The following KIF13A variants were observed in gnomAD, a reference collection of about 807,000 sequenced individuals.
KIF13A encodes the protein kinesin-like protein KIF13A.
In KIF13A, 79 loss-of-function variants were observed where a neutral mutation model predicts 212.2. The ratio of observed to expected loss-of-function variants is 0.37; its 90% confidence interval spans 0.31 to 0.45. The LOEUF is 0.45. KIF13A is among the 20% of genes least tolerant of loss of function. KIF13A has a pLI of 1.00. For synonymous variants in KIF13A, 789 were observed against 808.6 expected, an observed-to-expected ratio of 0.98 and a Z score of 0.41; for missense variants, 1,901 against 2,209.0, an observed-to-expected ratio of 0.86 and a Z score of 2.79.
At chr6:17,765,260 A>T (rs1012216294) in intron 38 of KIF13A, among the ~76,000 whole-genome samples, 10 of 152,128 alleles carry the variant, frequency 6.6e-5, no homozygotes, top group Non-Finnish European at 1.5e-4. Flanking sequence ...AGTGCAGTGG[A>T]CATTTTGTTA....
chr6:17,774,631 G>A (rs1759778014), intron 35 of KIF13A, among the ~76,000 whole-genome samples: 1 of 152,132 alleles, frequency 6.6e-6, no homozygotes, highest in African/African-American at 2.4e-5. Flanking sequence ...AAATTAGCCA[G>A]GTGTGGTGGC....
chr6:17,978,539 C>T (rs866232899), intron 2 of KIF13A, among the ~76,000 whole-genome samples: 1 of 152,296 alleles, frequency 6.6e-6, no homozygotes, highest in South Asian at 2.1e-4. Flanking sequence ...AGTAATCTCA[C>T]CAAGTGTTTC....
intron 2 of KIF13A, among the ~76,000 whole-genome samples, chr6:17,977,352 T>A (rs532497533): frequency 6.6e-6 from 1 of 152,332 alleles, no homozygotes; most frequent in African/African-American, 2.4e-5. Flanking sequence ...TAGTTCACGT[T>A]GTCATACAAT....
Position 17,898,052 on chromosome 6 carries a change from T to G in KIF13A, c.159+116A>C. ...ATTGTTCATGATGTGAGTTTTAAAT[T>G]AGGATGCTGTTTTCAGTTCTCAATG... is the stretch of plus-strand genomic sequence containing the variant. On this transcript the variant is annotated intron_variant, in intron 3 of 38. Coordinates refer to ENST00000259711, the MANE Select transcript of KIF13A (RefSeq NM_022113.6). This position sits in a 1 kb window ranked among gnomAD's most constrained non-coding sequence, Gnocchi z 5.2. 1 of 893,144 alleles carries G rather than the reference T, an allele frequency of 1.1e-6. No individual in the cohort carries two copies. Among genetic ancestry groups the G allele is most frequent in the South Asian group, 1.7e-5 (1 of 57,720 alleles). The allele number at this position is 893,144 out of a possible 1,614,324, so 55.3% of individuals were successfully genotyped here. A position where few individuals can be genotyped will look rare whatever the true frequency, so the allele number is the denominator to read the frequency against.
At chr6:17,869,395 C>T (rs1023184578) in intron 4 of KIF13A, among the ~76,000 whole-genome samples, 3 of 152,152 alleles carry the variant, frequency 2.0e-5, no homozygotes, top group Non-Finnish European at 4.4e-5. Context: ...CTCCCTAAGT[C>T]GCCAGGTACT....
At position 17,951,932 on chromosome 6, in the gene KIF13A, T is replaced by C. The variant is rs1355318981; in HGVS notation, c.146+35122A>G. 6.6e-6 allele frequency among the ~76,000 whole-genome samples: 1 copy of C among 152,226 alleles called. No individual in the cohort carries two copies. The highest frequency in any genetic ancestry group is 1.5e-5 in the Non-Finnish European group (1 of 68,046). ...GTAGCCTTCCAAAAAATACCTTTAT[T>C]TACAATTTTTGTAGAAGCAATTTGG... On this transcript the variant is annotated intron_variant, in intron 2 of 38. Coordinates refer to ENST00000259711, the MANE Select transcript of KIF13A (RefSeq NM_022113.6). This position sits in a 1 kb window ranked among gnomAD's most constrained non-coding sequence, Gnocchi z 4.9.
chr6:17,969,048 G>A (rs1322293232), intron 2 of KIF13A, among the ~76,000 whole-genome samples: 3 of 152,220 alleles, frequency 2.0e-5, no homozygotes, highest in Non-Finnish European at 2.9e-5. Flanking sequence ...CACCACCTCT[G>A]GGTGTATAGC....
rs568254835 is a variant in KIF13A at position 17,803,843 on chromosome 6, T to C, written c.2454+518A>G. ...CTTGTGACCTCCAAATATTAAATGTTATAATAATCTTTTAAGACCATGACT... is the reference window on the plus strand; with the variant it reads ...CTTGTGACCTCCAAATATTAAATGTCATAATAATCTTTTAAGACCATGACT... On this transcript the variant is annotated intron_variant, in intron 20 of 38. Coordinates refer to ENST00000259711, the MANE Select transcript of KIF13A (RefSeq NM_022113.6). Among the ~76,000 whole-genome samples the C allele has an allele frequency of 2.0e-5, 3 of 152,174 alleles. No individual in the cohort carries two copies. The East Asian group carries it at 5.8e-4, about 29-fold the overall frequency.
intron 4 of KIF13A, among the ~76,000 whole-genome samples, chr6:17,862,239 T>C (rs1268918508): frequency 1.3e-5 from 2 of 152,284 alleles, no homozygotes; most frequent in African/African-American, 4.8e-5. Flanking sequence ...CTGGGAAGGT[T>C]CCCAGTTTAT....
At chr6:17,774,614 AAAT>A (rs1266963076) in intron 35 of KIF13A, among the ~76,000 whole-genome samples, 1 of 152,130 alleles carries the variant, frequency 6.6e-6, no homozygotes, top group Non-Finnish European at 1.5e-5. Flanking sequence ...TCTCTACTAA[AAAT>A]ACAAAATTAG....
chr6:17,904,729 A>G (rs1773348427), intron 2 of KIF13A, among the ~76,000 whole-genome samples: 1 of 152,206 alleles, frequency 6.6e-6, no homozygotes, highest in African/African-American at 2.4e-5. Context: ...TTTACAGCAT[A>G]TTGACTATAA....
At chr6:17,986,690 G>A (rs904482833) in intron 2 of KIF13A, among the ~76,000 whole-genome samples, 1 of 152,232 alleles carries the variant, frequency 6.6e-6, no homozygotes, top group African/African-American at 2.4e-5. Context: ...CGAACAATAA[G>A]GTCGTGGGCT....
chr6:17,907,317 C>T (rs1773598648), intron 2 of KIF13A, among the ~76,000 whole-genome samples: 1 of 152,190 alleles, frequency 6.6e-6, no homozygotes, highest in Non-Finnish European at 1.5e-5. Context: ...ACACTGTACA[C>T]TTAACTGCTA....
chr6:17,767,288 C>T (rs1158467571), intron 38 of KIF13A, among the ~76,000 whole-genome samples: 1 of 149,114 alleles, frequency 6.7e-6, no homozygotes, highest in Non-Finnish European at 1.5e-5. Context: ...AAGTCTCACT[C>T]TTGTCGTCCA....
chr6:17,858,412 A>C (rs976686159), intron 4 of KIF13A, among the ~76,000 whole-genome samples: 2 of 152,226 alleles, frequency 1.3e-5, no homozygotes, highest in Non-Finnish European at 2.9e-5. Flanking sequence ...TATAATCAAA[A>C]TTATTATCTG....
In KIF13A at chr6:17,855,507, T is replaced by C. The variant is rs755042298; in HGVS notation, c.424A>G (p.Thr142Ala). 6.2e-7 allele frequency: 1 copy of C among 1,613,790 alleles called. No homozygotes were observed. The highest frequency in any genetic ancestry group is 8.5e-7 in the Non-Finnish European group (1 of 1,179,760). The change falls in exon 6 of 39, where the codon ACC becomes GCC. Residue 142 changes from threonine to alanine, a missense_variant. Physicochemically the swap from Thr to Ala is moderately conservative, Grantham distance 58. Coordinates refer to ENST00000259711, the MANE Select transcript of KIF13A (RefSeq NM_022113.6). The surrounding 1 kb of genome is among the most constrained non-coding windows in gnomAD (Gnocchi z 4.1). ...RISLEQNESQ[T>A]FKVEVSYMEI... ...ATATAGGACACTTCAACTTTAAAGG[T>C]CTGTGACTCATTTTGCTCCAAAGAG...
At chr6:17,940,817 A>ATTTTT (rs11325656) in intron 2 of KIF13A, among the ~76,000 whole-genome samples, 1 of 140,512 alleles carries the variant, frequency 7.1e-6, no homozygotes, top group African/African-American at 2.7e-5. Context: ...ATGTAAATTT[A>ATTTTT]TTTTTTTTTT....
chr6:17,822,543 A>G (rs10498688), intron 16 of KIF13A, among the ~76,000 whole-genome samples: 40,460 of 152,138 alleles, frequency 0.27, 5,515 homozygotes, highest in Admixed American at 0.35. Flanking sequence ...ATAAGAAGGT[A>G]GTAATTGATT....
In KIF13A at chr6:17,764,103, G is replaced by C. The variant is rs377266121; in HGVS notation, c.*7C>G. On this transcript the variant is annotated 3_prime_UTR_variant, in exon 39 of 39. Transcript: ENST00000259711. The surrounding 1 kb of genome is among the most constrained non-coding windows in gnomAD (Gnocchi z 5.1). ...GGCCTCTGGGGTTGACATACAGTTA[G>C]ACATACTCATTGACAGCACAGAACC... is the stretch of plus-strand genomic sequence containing the variant. 2.2e-5 allele frequency: 36 copies of C among 1,612,462 alleles called. No individual in the cohort carries two copies. The highest frequency in any genetic ancestry group is 2.8e-5 in the Non-Finnish European group (33 of 1,179,070).
Sources: gnomAD v4.1 joint callset for allele counts (sites outside exome capture counted in the v4.1 genomes callset) on GRCh38, gnomAD v4.1.1 for gene constraint, Gnocchi (gnomAD v3.1) non-coding constraint, MANE v1.5 for transcripts, NCBI Gene and HGNC (gene_info 2026-07-23, HGNC 2026-07-21) for gene names.